The following TFEC variants were observed in gnomAD, a reference collection of about 807,000 sequenced individuals.
TFEC encodes class E basic helix-loop-helix protein 34.
In TFEC, 31 loss-of-function variants were observed where a neutral mutation model predicts 41.6. The observed-to-expected ratio is 0.74, with a 90% CI of 0.56 to 1.01. TFEC has a LOEUF of 1.01. Among genes scored for constraint, TFEC ranks in the 50% least tolerant of loss-of-function variants. The probability of loss-of-function intolerance (pLI) is 0.00; values close to 1 mark genes in which losing one functional copy is unlikely to be tolerated. For synonymous variants in TFEC, 143 were observed against 140.6 expected (o/e 1.02, Z -0.12); for missense variants, 402 against 404.1 (o/e 0.99, Z 0.04).
intron 3 of TFEC, among the ~76,000 whole-genome samples, chr7:116,069,173 GGA>G (rs1302072669): frequency 1.3e-5 from 2 of 151,336 alleles, no homozygotes; most frequent in East Asian, 3.9e-4. Flanking sequence ...ATTCTTTGCA[GGA>G]GGAGAAAATA....
chr7:116,127,420 C>T (rs749039817), intron 1 of TFEC, among the ~76,000 whole-genome samples: 18 of 152,044 alleles, frequency 1.2e-4, no homozygotes, highest in Non-Finnish European at 2.4e-4. Context: ...TAATTCGTGT[C>T]GTTTAGTTGA....
chr7:116,047,621 A>T (rs919519438), intron 3 of TFEC, among the ~76,000 whole-genome samples: 1 of 152,174 alleles, frequency 6.6e-6, no homozygotes, highest in African/African-American at 2.4e-5. Flanking sequence ...GTAGACTTAA[A>T]CCTCCCTGTC....
chr7:116,126,123 TC>T (rs1562978824), intron 1 of TFEC, among the ~76,000 whole-genome samples: 1 of 151,698 alleles, frequency 6.6e-6, no homozygotes, highest in Non-Finnish European at 1.5e-5. Flanking sequence ...TATAAAAATC[TC>T]CCAATAAGAA....
chr7:116,005,721 G>A (rs954986942), intron 1 of TFEC, among the ~76,000 whole-genome samples: 1 of 152,186 alleles, frequency 6.6e-6, no homozygotes, highest in African/African-American at 2.4e-5. Flanking sequence ...CTAATGAGGA[G>A]CTGAATGTTA....
At chr7:115,989,825 C>T (rs1296673794) in intron 1 of TFEC, among the ~76,000 whole-genome samples, 2 of 152,176 alleles carry the variant, frequency 1.3e-5, no homozygotes, top group Non-Finnish European at 2.9e-5. Flanking sequence ...CAAAAGGCAG[C>T]AGAAATGTCT....
At chr7:116,026,418 G>A (rs1795587964) in intron 1 of TFEC, among the ~76,000 whole-genome samples, 1 of 152,164 alleles carries the variant, frequency 6.6e-6, no homozygotes, top group African/African-American at 2.4e-5. Context: ...TGAAATGCCT[G>A]AACTGCTCAC....
At chr7:115,942,979 T>C (rs1381650834) in intron 6 of TFEC, among the ~76,000 whole-genome samples, 1 of 152,154 alleles carries the variant, frequency 6.6e-6, no homozygotes, top group East Asian at 1.9e-4. Flanking sequence ...TAGCATAAAG[T>C]ACACAGGTAG....
intron 1 of TFEC, among the ~76,000 whole-genome samples, chr7:116,025,536 C>A (rs560275974): frequency 1.3e-5 from 2 of 152,138 alleles, no homozygotes; most frequent in South Asian, 4.1e-4. Context: ...AGGCCCAGCC[C>A]CAGCCTTTCA....
intron 1 of TFEC, among the ~76,000 whole-genome samples, chr7:116,001,536 A>G (rs1458996835): frequency 1.3e-5 from 2 of 151,768 alleles, no homozygotes; most frequent in Non-Finnish European, 2.9e-5. Flanking sequence ...AAAACACAAA[A>G]ACAAACAAAC....
intron 3 of TFEC, among the ~76,000 whole-genome samples, chr7:115,967,019 A>T (rs1792886852): frequency 1.3e-5 from 2 of 151,732 alleles, no homozygotes; most frequent in Non-Finnish European, 2.9e-5. Context: ...TATAGTATGT[A>T]TTTACCATGT....
chr7:116,156,609 T>G (rs558734639), intron 1 of TFEC, among the ~76,000 whole-genome samples: 38 of 152,292 alleles, frequency 2.5e-4, no homozygotes, highest in African/African-American at 6.5e-4. Context: ...ATCTATTTTT[T>G]TGTGTGTGTG....
At chr7:115,993,825 T>G (rs1794234578) in intron 1 of TFEC, among the ~76,000 whole-genome samples, 1 of 152,184 alleles carries the variant, frequency 6.6e-6, no homozygotes, top group South Asian at 2.1e-4. Flanking sequence ...AAGCTACCAA[T>G]GATTTTCTTC....
At chr7:116,109,906 T>C (rs1035139071) in intron 3 of TFEC, among the ~76,000 whole-genome samples, 1 of 152,152 alleles carries the variant, frequency 6.6e-6, no homozygotes, top group Non-Finnish European at 1.5e-5. Flanking sequence ...TAAAAAAGGA[T>C]GCATAGTATG....
At chr7:115,958,863 C>A (rs1037453508) in intron 3 of TFEC, among the ~76,000 whole-genome samples, 4 of 151,780 alleles carry the variant, frequency 2.6e-5, no homozygotes, top group African/African-American at 9.7e-5. Context: ...TATCATTAAA[C>A]AATTGAGTTC....
At chr7:116,136,356 A>G (rs554412060) in intron 1 of TFEC, among the ~76,000 whole-genome samples, 1 of 152,156 alleles carries the variant, frequency 6.6e-6, no homozygotes, top group African/African-American at 2.4e-5. Flanking sequence ...ATCTGCTAAA[A>G]TTGATTAAAT....
intron 3 of TFEC, among the ~76,000 whole-genome samples, chr7:116,057,680 A>G (rs1796460763): frequency 1.3e-5 from 2 of 151,898 alleles, no homozygotes; most frequent in African/African-American, 4.8e-5. Context: ...TATCTAAACA[A>G]AAACAATAGT....
At position 115,999,526 on chromosome 7, in the gene TFEC, C is replaced by G. The variant is rs149069398; in HGVS notation, c.-72-15013G>C. Among the ~76,000 whole-genome samples, 25 of 151,712 alleles carry G rather than the reference C, an allele frequency of 1.6e-4. No individual in the cohort carries two copies. In the East Asian group the frequency reaches 3.3e-3, roughly 20 times the overall value. Reference sequence around the variant, plus strand: ...TGAAAGAAACCATACAAAAGATCAACAAAATGAAAAGTTGCTTTCTTGAAA... The same window carrying G: ...TGAAAGAAACCATACAAAAGATCAAGAAAATGAAAAGTTGCTTTCTTGAAA... On this transcript the variant is annotated intron_variant, in intron 1 of 7. Transcript: ENST00000265440.
rs537609094 is a variant in TFEC at position 115,958,208 on chromosome 7, G to C, written c.268-1415C>G. Among the ~76,000 whole-genome samples, 359 of 151,934 alleles carry C rather than the reference G, an allele frequency of 2.4e-3. 2 individuals carry two copies. Among genetic ancestry groups the C allele is most frequent in the Non-Finnish European group, 4.2e-3 (284 of 67,898 alleles). On this transcript the variant is annotated intron_variant, in intron 3 of 7. Coordinates refer to ENST00000265440, the MANE Select transcript of TFEC (RefSeq NM_012252.4). ...CCTCAATTTTCTCATCTGTAAAATAGGGACAAAGTTGAGCAAATTAGGCAG... is the reference window on the plus strand; with the variant it reads ...CCTCAATTTTCTCATCTGTAAAATACGGACAAAGTTGAGCAAATTAGGCAG...
intron 3 of TFEC, among the ~76,000 whole-genome samples, chr7:116,066,234 C>T (rs1484238658): frequency 6.6e-6 from 1 of 152,064 alleles, no homozygotes; most frequent in Non-Finnish European, 1.5e-5. Flanking sequence ...TGATTCCAGG[C>T]CCATGACAAA....
Sources: allele counts gnomAD v4.1 joint callset (sites outside exome capture counted in the v4.1 genomes callset), GRCh38; gene constraint gnomAD v4.1.1; transcripts MANE v1.5; gene names NCBI Gene and HGNC (gene_info 2026-07-23, HGNC 2026-07-21).